COL4A3: variants seen among roughly 807,000 people sequenced by gnomAD.
The protein encoded by COL4A3 is collagen type IV alpha 3 chain.
Under a neutral mutation model 217.4 loss-of-function variants are expected in COL4A3, and 135 were observed. The ratio of observed to expected loss-of-function variants is 0.62; its 90% CI spans 0.54 to 0.72. The LOEUF (loss-of-function observed/expected upper bound fraction) is 0.72, where lower values mean the gene tolerates loss of function less well. COL4A3 is among the 30% of genes least tolerant of loss of function. The pLI, the probability that COL4A3 is intolerant of heterozygous loss-of-function variation, is 0.00. For synonymous variants in COL4A3, 690 were observed against 736.3 expected, an observed-to-expected ratio of 0.94 and a Z score of 1.02; for missense variants, 1,868 against 2,119.9, an observed-to-expected ratio of 0.88 and a Z score of 2.33.
At chr2:227,288,376 C>T (rs775217393) in intron 34 of COL4A3, among the ~76,000 whole-genome samples, 7 of 152,272 alleles carry the variant, frequency 4.6e-5, no homozygotes, top group East Asian at 3.9e-4. Context: ...GGATTACAGG[C>T]GTGAGCCACT....
intron 1 of COL4A3, among the ~76,000 whole-genome samples, chr2:227,210,393 C>A (rs1306262247): frequency 1.3e-5 from 2 of 152,086 alleles, no homozygotes; most frequent in East Asian, 1.9e-4. Flanking sequence ...AAGTTCAAGA[C>A]CAGCCTGGCC....
intron 11 of COL4A3, among the ~76,000 whole-genome samples, chr2:227,251,975 A>G (rs931242628): frequency 6.8e-6 from 1 of 147,548 alleles, no homozygotes; most frequent in Non-Finnish European, 1.5e-5. Flanking sequence ...GGGCTGAGGC[A>G]GGAAAATCGC....
chr2:227,292,242 C>T (rs2072786986), intron 37 of COL4A3, among the ~76,000 whole-genome samples: 1 of 151,992 alleles, frequency 6.6e-6, no homozygotes, highest in African/African-American at 2.4e-5. Context: ...ACTGCTAAAA[C>T]AAGAAAAAAA....
rs750406964 is a variant in COL4A3, at chr2:227,295,325, T to G, written c.3565+9T>G. The G allele has an allele frequency of 4.2e-5, 67 of 1,613,212 alleles. No individual in the cohort carries two copies. The highest frequency in any genetic ancestry group is 8.3e-5 in the Admixed American group (5 of 60,010). ...GAACCCTGGTGCTCAAGGTAAGCAG[T>G]TCTTCTTCCCTGTCCTAATGTACAC... On this transcript the variant is annotated intron_variant, in intron 41 of 51. Coordinates refer to ENST00000396578, the MANE Select transcript of COL4A3 (RefSeq NM_000091.5).
chr2:227,172,578 C>CT (rs1313447209), intron 1 of COL4A3, among the ~76,000 whole-genome samples: 29 of 116,804 alleles, frequency 2.5e-4, no homozygotes, highest in East Asian at 1.3e-3. Flanking sequence ...TCTTCGTCTT[C>CT]TTCTTTTTTT....
intron 23 of COL4A3, chr2:227,268,655 T>C (rs1038994684): frequency 5.3e-5 from 8 of 152,134 alleles, no homozygotes; most frequent in African/African-American, 1.9e-4. Flanking sequence ...CTCTGCTACT[T>C]TCAGTGGCTG....
chr2:227,246,845 G>C (rs760430134), intron 7 of COL4A3, 107 bp downstream of exon 7: 1 of 951,300 alleles, frequency 1.1e-6, no homozygotes, highest in Non-Finnish European at 1.7e-6. Context: ...GGGAAGTCTG[G>C]GGTAGCCATA....
intron 1 of COL4A3, among the ~76,000 whole-genome samples, chr2:227,174,975 A>G (rs1398463241): frequency 6.6e-6 from 1 of 152,170 alleles, no homozygotes; most frequent in Non-Finnish European, 1.5e-5. Flanking sequence ...GTGTAACATC[A>G]GATTGTGGTG....
chr2:227,182,425 G>A (rs1262984211), intron 1 of COL4A3, among the ~76,000 whole-genome samples: 1 of 152,166 alleles, frequency 6.6e-6, no homozygotes, highest in East Asian at 1.9e-4. Context: ...AAAGAGCAAT[G>A]TCCTGTTTTT....
At chr2:227,210,927 A>G (rs2067294959) in intron 1 of COL4A3, among the ~76,000 whole-genome samples, 1 of 152,076 alleles carries the variant, frequency 6.6e-6, no homozygotes, top group South Asian at 2.1e-4. Flanking sequence ...GTTGTGACTT[A>G]CTTTTTCAGT....
intron 1 of COL4A3, chr2:227,169,383 C>A (rs112367135): frequency 6.8e-6 from 1 of 146,284 alleles, no homozygotes; most frequent in South Asian, 2.1e-4. Flanking sequence ...CAGCATGATT[C>A]ATAATCCTTT....
chr2:227,277,343 ATGTGC>A, intron 27 of COL4A3, 101 bp from the exon 28 acceptor site: 5 of 718,400 alleles, frequency 7.0e-6, no homozygotes, highest in Admixed American at 5.3e-5. Context: ...AAAAAAAACA[ATGTGC>A]AAAAGGGATA....
rs535386967 is a variant in COL4A3, at chr2:227,170,784, T to C, written c.87+5971T>C. Among the ~76,000 whole-genome samples the C allele has an allele frequency of 5.1e-4, 77 of 152,328 alleles. 1 individual carries two copies. In the South Asian group the frequency reaches 0.016, roughly 32 times the overall value. On this transcript the variant is annotated intron_variant, in intron 1 of 51. Coordinates refer to ENST00000396578, the MANE Select transcript of COL4A3 (RefSeq NM_000091.5). ...ATTTTATTAAGTATGATTTTTTCTGTAGAGTTTTAATAATTGTCCTCATCA... is the reference window on the plus strand; with the variant it reads ...ATTTTATTAAGTATGATTTTTTCTGCAGAGTTTTAATAATTGTCCTCATCA...
intron 8 of COL4A3, 125 bp from the exon 9 acceptor site, chr2:227,248,318 A>G: frequency 1.3e-6 from 1 of 751,612 alleles, no homozygotes; most frequent in South Asian, 1.4e-5. Context: ...ATCATAAATC[A>G]TTTCTCTGAG....
rs375929929 is a variant in COL4A3, at chr2:227,253,872, T to TAA, written c.766-230_766-229dup. ...TTGGGCAACAGAGTGAGACTTCATT[T>TAA]AAAAAAAAAAACAACAAAAAAAAGA... On this transcript the variant is annotated intron_variant, in intron 13 of 51. Coordinates refer to ENST00000396578, the MANE Select transcript of COL4A3 (RefSeq NM_000091.5). This position sits in a 1 kb window ranked among gnomAD's most constrained non-coding sequence, Gnocchi z 4.4. Among the ~76,000 whole-genome samples the TAA allele has an allele frequency of 6.0e-5, 9 of 149,372 alleles. No individual in the cohort carries two copies. Among genetic ancestry groups the TAA allele is most frequent in the South Asian group, 2.1e-4 (1 of 4,768 alleles).
intron 1 of COL4A3, among the ~76,000 whole-genome samples, chr2:227,190,285 G>T (rs1376059804): frequency 6.6e-6 from 1 of 152,286 alleles, no homozygotes; most frequent in Non-Finnish European, 1.5e-5. Context: ...CCATCTTGGC[G>T]TGCCTGCTCC....
intron 1 of COL4A3, among the ~76,000 whole-genome samples, chr2:227,231,818 C>A (rs1418343263): frequency 1.3e-5 from 2 of 151,798 alleles, no homozygotes; most frequent in African/African-American, 4.8e-5. Flanking sequence ...AGGCGTGAAC[C>A]CTCGTGCCTG....
intron 11 of COL4A3, among the ~76,000 whole-genome samples, chr2:227,252,309 G>A (rs1454216520): frequency 6.8e-6 from 1 of 146,320 alleles, no homozygotes; most frequent in Non-Finnish European, 1.5e-5. Context: ...CATCTCCCGG[G>A]TTCAAGCAAT....
At chr2:227,202,435 G>A (rs766314574) in intron 1 of COL4A3, among the ~76,000 whole-genome samples, 33 of 151,942 alleles carry the variant, frequency 2.2e-4, no homozygotes, top group Non-Finnish European at 4.1e-4. Flanking sequence ...GCTGGTATGC[G>A]GGTATTTTTT....
Sources: allele counts gnomAD v4.1 joint callset (sites outside exome capture counted in the v4.1 genomes callset), GRCh38; gene constraint gnomAD v4.1.1; non-coding constraint Gnocchi (gnomAD v3.1); transcripts MANE v1.5; gene names NCBI Gene and HGNC (gene_info 2026-07-23, HGNC 2026-07-21).